NRXN3: variants seen among roughly 807,000 people sequenced by gnomAD.
The protein encoded by NRXN3 is neurexin 3, also known as neurexin III.
Under a neutral mutation model 137.6 loss-of-function variants are expected in NRXN3, and 32 were observed. That is an observed-to-expected ratio of 0.23 (90% confidence interval 0.18 to 0.31). The LOEUF (loss-of-function observed/expected upper bound fraction) is 0.31. Among genes scored for constraint, NRXN3 ranks in the 10% least tolerant of loss-of-function variants. The pLI, the probability that NRXN3 is intolerant of heterozygous loss-of-function variation, is 1.00. For synonymous variants in NRXN3, 798 were observed against 784.5 expected, an observed-to-expected ratio of 1.02 and a Z score of -0.29; for missense variants, 1,574 against 2,062.5, an observed-to-expected ratio of 0.76 and a Z score of 4.59.
At chr14:79,279,933 T>C in intron 15 of NRXN3, 1 of 1,080,104 alleles carries the variant, frequency 9.3e-7, no homozygotes, top group Non-Finnish European at 1.1e-6. Flanking sequence ...GAGTGTGCGG[T>C]TAAGTCATCA....
chr14:78,582,106 T>C (rs1204623163), intron 4 of NRXN3, among the ~76,000 whole-genome samples: 1 of 152,208 alleles, frequency 6.6e-6, no homozygotes, highest in Non-Finnish European at 1.5e-5. Flanking sequence ...GAGAGACAGT[T>C]CAGAGTGATT....
At chr14:79,564,498 T>C (rs1288104449) in intron 16 of NRXN3, among the ~76,000 whole-genome samples, 1 of 152,138 alleles carries the variant, frequency 6.6e-6, no homozygotes, top group Non-Finnish European at 1.5e-5. Flanking sequence ...TAATAAAAAG[T>C]AGTCATGACC....
chr14:78,910,269 CTGGCAA>C (rs1350927955), intron 10 of NRXN3, among the ~76,000 whole-genome samples: 2 of 152,068 alleles, frequency 1.3e-5, no homozygotes, highest in Non-Finnish European at 2.9e-5. Context: ...CCACCTCTCA[CTGGCAA>C]TGTAGCTTTG....
chr14:79,480,610 A>T (rs533426836), intron 16 of NRXN3, among the ~76,000 whole-genome samples: 1 of 152,316 alleles, frequency 6.6e-6, no homozygotes, highest in South Asian at 2.1e-4. Flanking sequence ...AGCAGAAATG[A>T]GTAACCTAAT....
At chr14:79,618,801 T>C (rs2098190124) in intron 16 of NRXN3, among the ~76,000 whole-genome samples, 1 of 152,184 alleles carries the variant, frequency 6.6e-6, no homozygotes, top group African/African-American at 2.4e-5. Context: ...TCTGAACTAA[T>C]GTACATTCTC....
chr14:78,319,664 C>T (rs775161789), intron 4 of NRXN3, among the ~76,000 whole-genome samples: 5 of 152,152 alleles, frequency 3.3e-5, no homozygotes, highest in Non-Finnish European at 7.3e-5. Flanking sequence ...TATACATTCT[C>T]AGTAACCTGG....
intron 4 of NRXN3, among the ~76,000 whole-genome samples, chr14:78,476,812 C>T (rs532986784): frequency 6.6e-6 from 1 of 152,236 alleles, no homozygotes; most frequent in Non-Finnish European, 1.5e-5. Flanking sequence ...AGTCATTAAG[C>T]GTGTTGATTC....
chr14:79,200,986 A>C (rs1297932178), intron 15 of NRXN3: 1 of 152,100 alleles, frequency 6.6e-6, no homozygotes, highest in African/African-American at 2.4e-5. Flanking sequence ...TCTTTGAGCT[A>C]AATAATACTA....
chr14:78,335,792 C>T (rs1472976996), intron 4 of NRXN3, among the ~76,000 whole-genome samples: 2 of 152,116 alleles, frequency 1.3e-5, no homozygotes, highest in Non-Finnish European at 2.9e-5. Context: ...GCATGAAAAG[C>T]CCTGTCTCCA....
At chr14:79,394,736 T>G (rs2094962350) in intron 15 of NRXN3, among the ~76,000 whole-genome samples, 1 of 152,236 alleles carries the variant, frequency 6.6e-6, no homozygotes, top group Non-Finnish European at 1.5e-5. Flanking sequence ...ACCAGTATTT[T>G]TAAAAGTATC....
At chr14:78,418,112 T>G (rs17107530) in intron 4 of NRXN3, among the ~76,000 whole-genome samples, 1 of 152,066 alleles carries the variant, frequency 6.6e-6, no homozygotes, top group Non-Finnish European at 1.5e-5. Flanking sequence ...AAGGTGAAAT[T>G]TGTATGGCTC....
intron 16 of NRXN3, among the ~76,000 whole-genome samples, chr14:79,646,921 G>A (rs1385073836): frequency 7.4e-6 from 1 of 135,550 alleles, no homozygotes; most frequent in African/African-American, 2.5e-5. Context: ...CCTGGGCTGA[G>A]TGTATCCAGG....
chr14:79,839,432 T>G (rs2099351176), intron 20 of NRXN3, among the ~76,000 whole-genome samples: 1 of 152,102 alleles, frequency 6.6e-6, no homozygotes, highest in South Asian at 2.1e-4. Flanking sequence ...TAAGATGCAG[T>G]GTGAAAGAAA....
chr14:79,574,229 C>T (rs1369151297), intron 16 of NRXN3, among the ~76,000 whole-genome samples: 1 of 151,826 alleles, frequency 6.6e-6, no homozygotes, highest in Non-Finnish European at 1.5e-5. Flanking sequence ...CACCCACACA[C>T]ACACACACAC....
At chr14:79,691,898 T>A (rs2098718084) in intron 17 of NRXN3, among the ~76,000 whole-genome samples, 1 of 151,870 alleles carries the variant, frequency 6.6e-6, no homozygotes, top group African/African-American at 2.4e-5. Context: ...AGAGAGAGAG[T>A]GAAGGTAAAT....
intron 4 of NRXN3, among the ~76,000 whole-genome samples, chr14:78,607,843 C>T (rs1455375300): frequency 6.6e-6 from 1 of 152,070 alleles, no homozygotes; most frequent in African/African-American, 2.4e-5. Context: ...CAGAGCCCCT[C>T]AGTGACATTT....
At chr14:78,929,640 T>A (rs983536793) in intron 10 of NRXN3, among the ~76,000 whole-genome samples, 3 of 152,190 alleles carry the variant, frequency 2.0e-5, no homozygotes, top group Non-Finnish European at 4.4e-5. Flanking sequence ...TATCGTACAG[T>A]GCTTCAGTGA....
intron 15 of NRXN3, among the ~76,000 whole-genome samples, chr14:79,001,682 A>G (rs1294138953): frequency 6.6e-6 from 1 of 152,178 alleles, no homozygotes; most frequent in African/African-American, 2.4e-5. Context: ...ATTTATATTC[A>G]GTGCTGAGAG....
intron 1 of NRXN3, among the ~76,000 whole-genome samples, chr14:78,207,513 G>A (rs1291339671): frequency 6.6e-6 from 1 of 152,104 alleles, no homozygotes; most frequent in Admixed American, 6.5e-5. Flanking sequence ...AACAGTGTTG[G>A]CTTCAGAGCT....
Sources: allele counts gnomAD v4.1 joint callset (sites outside exome capture counted in the v4.1 genomes callset), GRCh38; gene constraint gnomAD v4.1.1; transcripts MANE v1.5; gene names NCBI Gene and HGNC (gene_info 2026-07-23, HGNC 2026-07-21).